SRGAP1: variants seen among roughly 807,000 people sequenced by gnomAD.
The protein encoded by SRGAP1 is SLIT-ROBO Rho GTPase-activating protein 1.
In SRGAP1, 43 loss-of-function variants were observed where a neutral mutation model predicts 121.9. The ratio of observed to expected loss-of-function variants is 0.35; its 90% CI spans 0.28 to 0.46. The LOEUF (loss-of-function observed/expected upper bound fraction) is 0.46, where lower values mean the gene tolerates loss of function less well. SRGAP1 is among the 20% of genes least tolerant of loss of function. The probability of loss-of-function intolerance (pLI) is 1.00; values close to 1 mark genes in which losing one functional copy is unlikely to be tolerated. For missense variants in SRGAP1, 1,102 were observed against 1,350.9 expected, an observed-to-expected ratio of 0.82 and a Z score of 2.89; for synonymous variants, 447 against 485.4, an observed-to-expected ratio of 0.92 and a Z score of 1.04.
At chr12:63,950,364 G>C (rs2032247200) in intron 1 of SRGAP1, among the ~76,000 whole-genome samples, 1 of 152,178 alleles carries the variant, frequency 6.6e-6, no homozygotes, top group Non-Finnish European at 1.5e-5. Flanking sequence ...CCCTGCACCA[G>C]GAGTGTGGTT....
At chr12:64,028,346 T>C (rs1427593101) in intron 4 of SRGAP1, among the ~76,000 whole-genome samples, 2 of 152,270 alleles carry the variant, frequency 1.3e-5, no homozygotes, top group Non-Finnish European at 2.9e-5. Context: ...CTTTGTTGAC[T>C]TGTTGGGCAT....
chr12:63,962,910 A>C (rs2032684683), intron 1 of SRGAP1, among the ~76,000 whole-genome samples: 1 of 152,164 alleles, frequency 6.6e-6, no homozygotes, highest in South Asian at 2.1e-4. Context: ...AAAATTATTA[A>C]TATTTTATAT....
chr12:63,913,504 T>A (rs1019475291), intron 1 of SRGAP1, among the ~76,000 whole-genome samples: 1 of 143,678 alleles, frequency 7.0e-6, no homozygotes. Context: ...TACACATATA[T>A]GTGTATATAT....
chr12:63,920,843 C>T (rs117401326), intron 1 of SRGAP1, among the ~76,000 whole-genome samples: 13 of 151,858 alleles, frequency 8.6e-5, no homozygotes, highest in Non-Finnish European at 1.6e-4. Context: ...GATCCATTGA[C>T]GAAATGGGAA....
chr12:64,017,162 G>A, intron 4 of SRGAP1, 150 bp downstream of exon 4: 1 of 503,042 alleles, frequency 2.0e-6, no homozygotes, highest in Non-Finnish European at 3.5e-6. Context: ...GGTATACACA[G>A]CTACATTCCT....
At chr12:64,075,109 G>A (rs1224191872) in intron 8 of SRGAP1, among the ~76,000 whole-genome samples, 1 of 152,024 alleles carries the variant, frequency 6.6e-6, no homozygotes, top group East Asian at 1.9e-4. Flanking sequence ...GGAAATCAGG[G>A]GTCTCACAGC....
intron 15 of SRGAP1, 67 bp from the exon 16 acceptor site, chr12:64,108,865 T>C (rs760384020): frequency 1.8e-6 from 2 of 1,106,776 alleles, no homozygotes; most frequent in African/African-American, 1.5e-5. Context: ...GTAATACATG[T>C]ACTGCAGTGT....
intron 3 of SRGAP1, among the ~76,000 whole-genome samples, chr12:63,998,799 G>A (rs1027438373): frequency 6.6e-6 from 1 of 152,128 alleles, no homozygotes; most frequent in Non-Finnish European, 1.5e-5. Flanking sequence ...GCAGGAATAA[G>A]TATGAATAAA....
At position 64,155,798 on chromosome 12, in the gene SRGAP1, AATTTTTTTGT is replaced by A. The variant is rs2136667855; in HGVS notation, c.*13133_*13142del. The A allele has an allele frequency of 6.6e-6, 1 of 151,814 alleles. No individual in the cohort carries two copies. Among genetic ancestry groups the A allele is most frequent in the South Asian group, 2.1e-4 (1 of 4,792 alleles). 9.4% of individuals were successfully genotyped at this position (151,814 alleles called of 1,614,324 possible). ...CAAGTGCGCACAACCACACCCAGCT[AATTTTTTTGT>A]ATTTTTAGTACAGCCGGGGTTTCGC... On this transcript the variant is annotated 3_prime_UTR_variant, in exon 22 of 22. Transcript: ENST00000355086.
chr12:63,939,589 G>GC (rs1296866223), intron 1 of SRGAP1, among the ~76,000 whole-genome samples: 1 of 152,166 alleles, frequency 6.6e-6, no homozygotes. Context: ...TAATGAGTGG[G>GC]CCCCTGGCTT....
At chr12:63,937,896 A>C (rs2031719780) in intron 1 of SRGAP1, among the ~76,000 whole-genome samples, 1 of 152,244 alleles carries the variant, frequency 6.6e-6, no homozygotes, top group African/African-American at 2.4e-5. Flanking sequence ...ATGTGGAAAC[A>C]GCACACTGTG....
chr12:63,964,906 GATCTCGCCTAAT>G (rs2136384217), intron 1 of SRGAP1, among the ~76,000 whole-genome samples: 1 of 152,248 alleles, frequency 6.6e-6, no homozygotes, highest in African/African-American at 2.4e-5. Flanking sequence ...TGGATCCATT[GATCTCGCCTAAT>G]TGTTTTCAGA....
In SRGAP1 at chr12:64,111,747, T is replaced by G. The variant is rs1169145115; in HGVS notation, c.1920-15T>G. The G allele has an allele frequency of 1.9e-6, 3 of 1,564,748 alleles. 1 individual carries two copies. Among genetic ancestry groups the G allele is most frequent in the Admixed American group, 3.6e-5 (2 of 55,890 alleles). ...CTTTGTTCTTTTATAACTCCTTTCT[T>G]GTTTCCTTTTGTAGTCTATCACAGT... On this transcript the variant is annotated splice_polypyrimidine_tract_variant and intron_variant, in intron 16 of 21. Transcript: ENST00000355086.
At chr12:63,941,242 T>C (rs1422867436) in intron 1 of SRGAP1, among the ~76,000 whole-genome samples, 3 of 152,052 alleles carry the variant, frequency 2.0e-5, no homozygotes, top group Non-Finnish European at 4.4e-5. Context: ...TTGGTACAAC[T>C]GCCAAGATTA....
intron 1 of SRGAP1, among the ~76,000 whole-genome samples, chr12:63,911,568 C>T (rs1468402837): frequency 2.0e-5 from 3 of 152,158 alleles, no homozygotes; most frequent in Non-Finnish European, 4.4e-5. Context: ...AAGATAAACT[C>T]TTAACATTCC....
intron 1 of SRGAP1, among the ~76,000 whole-genome samples, chr12:63,886,063 A>AT (rs941971945): frequency 4.8e-4 from 73 of 151,742 alleles, no homozygotes; most frequent in Admixed American, 4.6e-3. Flanking sequence ...AATCAAAATA[A>AT]TTTTTTTTTC....
chr12:63,872,562 A>G (rs1899890163), intron 1 of SRGAP1, among the ~76,000 whole-genome samples: 1 of 152,226 alleles, frequency 6.6e-6, no homozygotes, highest in African/African-American at 2.4e-5. Context: ...TTATATTGTT[A>G]AGATAATTGA....
chr12:64,128,441 G>A (rs1046300143), intron 21 of SRGAP1, among the ~76,000 whole-genome samples: 1 of 152,104 alleles, frequency 6.6e-6, no homozygotes, highest in African/African-American at 2.4e-5. Context: ...TGACAAAAAC[G>A]TAGGACCAGG....
At chr12:63,960,168 T>G (rs528050125) in intron 1 of SRGAP1, among the ~76,000 whole-genome samples, 1 of 152,196 alleles carries the variant, frequency 6.6e-6, no homozygotes, top group East Asian at 1.9e-4. Context: ...CCATTTAAGG[T>G]GACATCAATA....
Sources: allele counts gnomAD v4.1 joint callset (sites outside exome capture counted in the v4.1 genomes callset), GRCh38; gene constraint gnomAD v4.1.1; transcripts MANE v1.5; gene names NCBI Gene and HGNC (gene_info 2026-07-23, HGNC 2026-07-21).